RNF32: variants seen among roughly 807,000 people sequenced by gnomAD.
The protein encoded by RNF32 is ring finger protein 32.
Under a neutral mutation model 41.0 loss-of-function variants are expected in RNF32, and 36 were observed. That is an observed-to-expected ratio of 0.88 (90% CI 0.67 to 1.16). The LOEUF (loss-of-function observed/expected upper bound fraction) is 1.16. RNF32 is among the 50% of genes most tolerant of loss of function. RNF32 has a pLI of 0.00. For missense variants in RNF32, 413 were observed against 436.7 expected (o/e 0.95, Z 0.48); for synonymous variants, 154 against 160.9 (o/e 0.96, Z 0.32).
chr7:156,658,902 G>T lies in RNF32; in HGVS notation c.684+332G>T, dbSNP rs1414522900. On this transcript the variant is annotated intron_variant, in intron 7 of 8. Transcript: ENST00000317955. ...ACCAGCTTAATTTTTCCCATCTCCT[G>T]GGCTATATGTAAATGAAGACATCTG... is the stretch of plus-strand genomic sequence containing the variant. 5 of 1,548,224 alleles carry T rather than the reference G, an allele frequency of 3.2e-6. No homozygotes were observed. The African/African-American group carries it at 6.9e-5, about 21-fold the overall frequency.
intron 7 of RNF32, 28 bp from the exon 8 acceptor site, chr7:156,675,668 A>C (rs924184767): frequency 6.3e-7 from 1 of 1,598,828 alleles, no homozygotes; most frequent in African/African-American, 1.3e-5. Context: ...CTCAGGTGTG[A>C]GCTTACCCGC....
rs570716510 is a variant in RNF32, at chr7:156,656,588, T to G, written c.418-953T>G. 3.9e-5 allele frequency among the ~76,000 whole-genome samples: 6 copies of G among 152,336 alleles called. No individual in the cohort carries two copies. In the South Asian group the frequency reaches 1.2e-3, roughly 32 times the overall value. On this transcript the variant is annotated intron_variant, in intron 4 of 8. Coordinates refer to ENST00000317955, the MANE Select transcript of RNF32 (RefSeq NM_030936.4). ...CTAGTTATTTCTGTATTTCTTCCAT[T>G]TAAGAAGAAAAGCATACATTGAGTG...
rs943496775 is a variant in RNF32 at position 156,641,732 on chromosome 7, A to G, written c.-78+921A>G. Among the ~76,000 whole-genome samples the G allele has an allele frequency of 2.0e-5, 3 of 152,206 alleles. No homozygotes were observed. In the South Asian group the frequency reaches 6.2e-4, roughly 32 times the overall value. ...ACCGGACCATTTTTAGTGTGATGCA[A>G]ACTGTATCTTCTGCAGGTTATAGGC... On this transcript the variant is annotated intron_variant, in intron 1 of 8. Transcript: ENST00000317955.
intron 3 of RNF32, among the ~76,000 whole-genome samples, chr7:156,649,037 G>A (rs754718250): frequency 2.1e-4 from 32 of 152,110 alleles, no homozygotes; most frequent in Non-Finnish European, 4.4e-4. Flanking sequence ...AAATCGACGA[G>A]ATTAAAGCGT....
At chr7:156,654,871 A>C (rs185768491) in intron 4 of RNF32, 153 bp downstream of exon 4, 526 of 639,528 alleles carry the variant, frequency 8.2e-4, no homozygotes, top group Middle Eastern at 1.7e-3. Flanking sequence ...CATTAATTAA[A>C]GTGTGTGAAG....
In RNF32 at chr7:156,676,623, T is replaced by G. The variant is rs1490235884; in HGVS notation, c.1057T>G (p.Ser353Ala). 6.2e-7 allele frequency: 1 copy of G among 1,614,064 alleles called. No individual in the cohort carries two copies. The highest frequency in any genetic ancestry group is 1.1e-5 in the South Asian group (1 of 91,072). The change falls in exon 9 of 9, where the codon TCC (serine) becomes GCC (alanine). Residue 353 changes from serine (S) to alanine (A), a missense_variant. Ser to Ala is a moderately conservative substitution (Grantham distance 99). Transcript: ENST00000317955. Reference sequence around the variant, plus strand: ...TTTCCATGCCTGTCCTCTCTGCCGCTCCTGCTACCAGAAGAAGATTCTTGA... The same window carrying G: ...TTTCCATGCCTGTCCTCTCTGCCGCGCCTGCTACCAGAAGAAGATTCTTGA... ...PPFHACPLCR[S>A]CYQKKILEC
At chr7:156,660,757 C>G (rs569852181) in intron 7 of RNF32, among the ~76,000 whole-genome samples, 1 of 152,168 alleles carries the variant, frequency 6.6e-6, no homozygotes, top group African/African-American at 2.4e-5. Flanking sequence ...CTGACTGATA[C>G]GAGTGACTGC....
Position 156,676,826 on chromosome 7 carries a change from A to G in RNF32, c.*171A>G, listed in dbSNP as rs1000532362. 8.5e-6 allele frequency: 5 copies of G among 589,242 alleles called. No homozygotes were observed. The highest frequency in any genetic ancestry group is 1.9e-5 in the African/African-American group (1 of 53,796). 36.5% of individuals were successfully genotyped at this position (589,242 alleles called of 1,614,324 possible). A position where few individuals can be genotyped will look rare whatever the true frequency, so the allele number is the denominator to read the frequency against. Reference sequence around the variant, plus strand: ...TATTTTAAAAGCTGACATCCCACCTAATTTTAATCTTTGGTCTCTAAAAAG... The same window carrying G: ...TATTTTAAAAGCTGACATCCCACCTGATTTTAATCTTTGGTCTCTAAAAAG... On this transcript the variant is annotated 3_prime_UTR_variant, in exon 9 of 9. Transcript: ENST00000317955.
At chr7:156,653,932 CTT>C (rs1028284570) in intron 3 of RNF32, among the ~76,000 whole-genome samples, 7 of 152,208 alleles carry the variant, frequency 4.6e-5, no homozygotes, top group African/African-American at 1.7e-4. Context: ...CTGGGAGAAA[CTT>C]GGGCCAATAC....
chr7:156,657,117 T>C (rs561961218), intron 4 of RNF32, among the ~76,000 whole-genome samples: 2 of 152,348 alleles, frequency 1.3e-5, no homozygotes, highest in East Asian at 1.9e-4. Context: ...AGTAGAGCTA[T>C]GATTTCACAA....
At chr7:156,661,790 C>CT (rs1234157703) in intron 7 of RNF32, among the ~76,000 whole-genome samples, 2 of 152,206 alleles carry the variant, frequency 1.3e-5, no homozygotes, top group Non-Finnish European at 2.9e-5. Context: ...TTATGGGTCA[C>CT]TGATGGGTTG....
In RNF32 at chr7:156,646,188, G is replaced by A. The variant is rs146044691; in HGVS notation, c.274+1431G>A. ...TATAATTGTAAATGCTGTTTTTAAGGATATTCGTTTCCCAGTGCTGCCACA... is the reference window on the plus strand; with the variant it reads ...TATAATTGTAAATGCTGTTTTTAAGAATATTCGTTTCCCAGTGCTGCCACA... On this transcript the variant is annotated intron_variant, in intron 3 of 8. Transcript: ENST00000317955. Among the ~76,000 whole-genome samples, 221 of 152,300 alleles carry A rather than the reference G, an allele frequency of 1.5e-3. 3 individuals carry two copies. The South Asian group carries it at 0.045, about 31-fold the overall frequency.
At position 156,654,665 on chromosome 7, in the gene RNF32, G is replaced by T. The variant is rs1259870541; in HGVS notation, c.364G>T (p.Asp122Tyr). 4 of 1,614,050 alleles carry T rather than the reference G, an allele frequency of 2.5e-6. No homozygotes were observed. The highest frequency in any genetic ancestry group is 3.4e-6 in the Non-Finnish European group (4 of 1,180,012). ...GAAACAGCGCTCTCTCCTGCAAGGG[G>T]ACTCCGTGCAACCATGCCCCATCTG... ...KVKQRSLLQG[D>Y]SVQPCPICKE... The change falls in exon 4 of 9, where the codon GAC becomes TAC. Residue 122 changes from aspartate to tyrosine, a missense_variant. Physicochemically the swap from Asp to Tyr is radical, Grantham distance 160. Coordinates refer to ENST00000317955, the MANE Select transcript of RNF32 (RefSeq NM_030936.4).
chr7:156,643,570 T>C (rs1237488604), intron 1 of RNF32, among the ~76,000 whole-genome samples: 1 of 152,250 alleles, frequency 6.6e-6, no homozygotes, highest in African/African-American at 2.4e-5. Context: ...TTTGTATTAA[T>C]GTGTCCTCAG....
chr7:156,672,220 GTTTC>G (rs1802697325), intron 7 of RNF32, among the ~76,000 whole-genome samples: 1 of 152,084 alleles, frequency 6.6e-6, no homozygotes, highest in Non-Finnish European at 1.5e-5. Flanking sequence ...TGACAAGTCT[GTTTC>G]TTTCAACAAG....
chr7:156,650,171 G>A (rs1585016496), intron 3 of RNF32, among the ~76,000 whole-genome samples: 1 of 152,198 alleles, frequency 6.6e-6, no homozygotes, highest in African/African-American at 2.4e-5. Flanking sequence ...GCTTATTGAT[G>A]TTTGCCGGGA....
In RNF32 at chr7:156,670,240, G is replaced by C. The variant is rs1349314797; in HGVS notation, c.685-5456G>C. ...ACATTTCCTTCTTTGCAGAGGAGCT[G>C]GATGCTAAGCACGGCTGGCTCTACT... On this transcript the variant is annotated intron_variant, in intron 7 of 8. Transcript: ENST00000317955. The surrounding 1 kb of genome is among the most constrained non-coding windows in gnomAD (Gnocchi z 4.3). 6.6e-6 allele frequency among the ~76,000 whole-genome samples: 1 copy of C among 152,174 alleles called. No individual in the cohort carries two copies. Among genetic ancestry groups the C allele is most frequent in the Non-Finnish European group, 1.5e-5 (1 of 68,034 alleles).
chr7:156,665,983 A>T (rs1801288971), intron 7 of RNF32, among the ~76,000 whole-genome samples: 1 of 152,224 alleles, frequency 6.6e-6, no homozygotes, highest in African/African-American at 2.4e-5. Flanking sequence ...CACTCCACTG[A>T]ATTTATTCTT....
intron 7 of RNF32, among the ~76,000 whole-genome samples, chr7:156,674,811 T>C (rs568827402): frequency 1.3e-5 from 2 of 152,368 alleles, no homozygotes; most frequent in East Asian, 3.9e-4. Flanking sequence ...TTAATGTGAC[T>C]GCCAGAAATT....
Sources: allele counts gnomAD v4.1 joint callset (sites outside exome capture counted in the v4.1 genomes callset), GRCh38; gene constraint gnomAD v4.1.1; non-coding constraint Gnocchi (gnomAD v3.1); transcripts MANE v1.5; gene names NCBI Gene and HGNC (gene_info 2026-07-23, HGNC 2026-07-21).